SCUBE1: variants seen among roughly 807,000 people sequenced by gnomAD.
SCUBE1 encodes signal peptide, CUB domain and EGF like domain containing 1.
Under a neutral mutation model 124.4 loss-of-function variants are expected in SCUBE1, and 59 were observed. That is an observed-to-expected ratio of 0.47 (90% CI 0.38 to 0.59). The LOEUF (loss-of-function observed/expected upper bound fraction) is 0.59, where lower values mean the gene tolerates loss of function less well. Among genes scored for constraint, SCUBE1 ranks in the 20% least tolerant of loss-of-function variants. The pLI is 0.00. For synonymous variants in SCUBE1, 545 were observed against 550.9 expected, an observed-to-expected ratio of 0.99 and a Z score of 0.15; for missense variants, 1,150 against 1,371.2, an observed-to-expected ratio of 0.84 and a Z score of 2.55.
intron 3 of SCUBE1, among the ~76,000 whole-genome samples, chr22:43,315,225 C>T (rs868467757): frequency 4.4e-4 from 67 of 152,156 alleles, no homozygotes; most frequent in African/African-American, 1.6e-3. Flanking sequence ...TGCACAATCT[C>T]CTTTCAGATT....
At chr22:43,286,895 A>G (rs1005057657) in intron 4 of SCUBE1, among the ~76,000 whole-genome samples, 1 of 152,170 alleles carries the variant, frequency 6.6e-6, no homozygotes, top group African/African-American at 2.4e-5. Flanking sequence ...AGAATTCTAC[A>G]TTGAGAGAAA....
intron 19 of SCUBE1, among the ~76,000 whole-genome samples, chr22:43,208,537 G>T (rs1263934950): frequency 6.6e-6 from 1 of 152,102 alleles, no homozygotes; most frequent in East Asian, 1.9e-4. Flanking sequence ...CTCTGTCAGT[G>T]GGTCTCCATC....
intron 4 of SCUBE1, among the ~76,000 whole-genome samples, chr22:43,269,491 T>C (rs1268335487): frequency 6.6e-6 from 1 of 152,184 alleles, no homozygotes; most frequent in Non-Finnish European, 1.5e-5. Flanking sequence ...AGCTGGAATG[T>C]GTGCCTCCTG....
rs1920969782 is a variant in SCUBE1 at position 43,199,334 on chromosome 22, AG to A, written c.*4662del. The stretch of plus-strand genomic sequence containing the variant: ...CCTGCCGTGGACAAGCCCAGGGGAC[AG>A]GCTTCACTGAGACGCTGCCTGCGGA... On this transcript the variant is annotated 3_prime_UTR_variant, in exon 22 of 22. Coordinates refer to ENST00000360835, the MANE Select transcript of SCUBE1 (RefSeq NM_173050.5). The A allele has an allele frequency of 6.4e-6, 1 of 155,364 alleles. No homozygotes were observed. The highest frequency in any genetic ancestry group is 2.4e-5 in the African/African-American group (1 of 40,968). 9.6% of individuals were successfully genotyped at this position (155,364 alleles called of 1,614,324 possible).
At chr22:43,219,510 C>G (rs562315625) in intron 14 of SCUBE1, among the ~76,000 whole-genome samples, 12 of 149,878 alleles carry the variant, frequency 8.0e-5, no homozygotes, top group Non-Finnish European at 1.3e-4. Flanking sequence ...GAGTCTCACT[C>G]GTCGCCAGGC....
intron 1 of SCUBE1, among the ~76,000 whole-genome samples, chr22:43,341,276 G>C (rs917549623): frequency 6.6e-6 from 1 of 152,210 alleles, no homozygotes; most frequent in African/African-American, 2.4e-5. Context: ...GGGCCAGCAG[G>C]AACATCCATG....
At position 43,207,664 on chromosome 22, in the gene SCUBE1, C is replaced by T. The variant is rs371942757; in HGVS notation, c.2735-51G>A. 5.9e-4 allele frequency: 827 copies of T among 1,408,506 alleles called. 12 individuals carry two copies. In the South Asian group the frequency reaches 9.1e-3, roughly 15 times the overall value. 87.3% of individuals were successfully genotyped at this position (1,408,506 alleles called of 1,614,324 possible). A position where few individuals can be genotyped will look rare whatever the true frequency, so the allele number is the denominator to read the frequency against. On this transcript the variant is annotated intron_variant, in intron 20 of 21. Coordinates refer to ENST00000360835, the MANE Select transcript of SCUBE1 (RefSeq NM_173050.5). ...AGGAAGGCGAGGGGCTTGAGGCCCACGTGCTCCCCTTTCACCTCCAGCCTC... is the reference window on the plus strand; with the variant it reads ...AGGAAGGCGAGGGGCTTGAGGCCCATGTGCTCCCCTTTCACCTCCAGCCTC...
chr22:43,298,348 T>C (rs2146759875), intron 3 of SCUBE1, among the ~76,000 whole-genome samples: 1 of 152,324 alleles, frequency 6.6e-6, no homozygotes, highest in South Asian at 2.1e-4. Flanking sequence ...GGGCTCCTGA[T>C]TCCCCAGCAG....
chr22:43,289,152 G>A (rs570289286), intron 4 of SCUBE1, among the ~76,000 whole-genome samples: 25 of 152,344 alleles, frequency 1.6e-4, no homozygotes, highest in African/African-American at 6.0e-4. Flanking sequence ...ACCCTGGCCT[G>A]GGACTTTACA....
At chr22:43,280,555 C>G (rs561929095) in intron 4 of SCUBE1, among the ~76,000 whole-genome samples, 1 of 149,318 alleles carries the variant, frequency 6.7e-6, no homozygotes, top group South Asian at 2.2e-4. Flanking sequence ...GTCCCTTCCC[C>G]TCACCCATCC....
intron 4 of SCUBE1, among the ~76,000 whole-genome samples, chr22:43,281,514 AGCCACCCTCCT>A (rs1924881347): frequency 3.9e-5 from 2 of 51,416 alleles, no homozygotes; most frequent in Non-Finnish European, 3.4e-5. Context: ...CCTCCTCCTC[AGCCACCCTCCT>A]GTCACCTCCC....
At chr22:43,321,076 C>T (rs903407976) in intron 2 of SCUBE1, among the ~76,000 whole-genome samples, 2 of 152,156 alleles carry the variant, frequency 1.3e-5, no homozygotes, top group African/African-American at 4.8e-5. Flanking sequence ...AGAGGAGGGC[C>T]GGAAGTGTCC....
intron 3 of SCUBE1, among the ~76,000 whole-genome samples, chr22:43,297,990 G>A (rs564751444): frequency 6.6e-6 from 1 of 152,306 alleles, no homozygotes; most frequent in African/African-American, 2.4e-5. Context: ...CTTAGGAAGC[G>A]AACTCCACCT....
intron 9 of SCUBE1, among the ~76,000 whole-genome samples, chr22:43,228,337 C>T (rs1922409331): frequency 6.6e-6 from 1 of 152,184 alleles, no homozygotes; most frequent in Non-Finnish European, 1.5e-5. Flanking sequence ...CCTGCCCCGG[C>T]TCCAGCAGTG....
In SCUBE1 at chr22:43,245,575, C is replaced by T. The variant is rs111826309; in HGVS notation, c.728-6621G>A. 3.7e-4 allele frequency among the ~76,000 whole-genome samples: 56 copies of T among 152,230 alleles called. 1 individual carries two copies. Among genetic ancestry groups the T allele is most frequent in the African/African-American group, 1.3e-3 (53 of 41,542 alleles). ...CCCCGGCAGGCTCCTCCAGAGCCAG[C>T]GCTGCTCGTGTCTAAGGCTGCGGGG... is the stretch of plus-strand genomic sequence containing the variant. On this transcript the variant is annotated intron_variant, in intron 6 of 21. Coordinates refer to ENST00000360835, the MANE Select transcript of SCUBE1 (RefSeq NM_173050.5).
chr22:43,258,168 G>A lies in SCUBE1; in HGVS notation c.727+51C>T, dbSNP rs558565725. The A allele has an allele frequency of 4.0e-6, 5 of 1,242,524 alleles. No homozygotes were observed. In the South Asian group the frequency reaches 4.8e-5, roughly 12 times the overall value. The allele number at this position is 1,242,524 out of a possible 1,614,324, so 77.0% of individuals were successfully genotyped here. Reference sequence around the variant, plus strand: ...TGGCCCTGCTGGTGCACGCATGGGGGGTCGGGGGCGGGGGGCGCAAGGGTG... The same window carrying A: ...TGGCCCTGCTGGTGCACGCATGGGGAGTCGGGGGCGGGGGGCGCAAGGGTG... On this transcript the variant is annotated intron_variant, in intron 6 of 21. Coordinates refer to ENST00000360835, the MANE Select transcript of SCUBE1 (RefSeq NM_173050.5). The surrounding 1 kb of genome is among the most constrained non-coding windows in gnomAD (Gnocchi z 5.0).
chr22:43,251,074 T>C lies in SCUBE1; in HGVS notation c.727+7145A>G, dbSNP rs528604942. Among the ~76,000 whole-genome samples, 20 of 152,262 alleles carry C rather than the reference T, an allele frequency of 1.3e-4. No individual in the cohort carries two copies. In the East Asian group the frequency reaches 3.9e-3, roughly 30 times the overall value. On this transcript the variant is annotated intron_variant, in intron 6 of 21. Transcript: ENST00000360835. ...CTGTGGGGGAGACTCACTGGAAAGC[T>C]GCCTGGAAAGTCCCTTGCAAACTCT... is the stretch of plus-strand genomic sequence containing the variant.
intron 4 of SCUBE1, among the ~76,000 whole-genome samples, chr22:43,289,177 G>A (rs1925261184): frequency 6.6e-6 from 1 of 152,244 alleles, no homozygotes; most frequent in Non-Finnish European, 1.5e-5. Flanking sequence ...GCTCAGAGCA[G>A]TCACTCTGTG....
intron 5 of SCUBE1, among the ~76,000 whole-genome samples, chr22:43,261,205 C>A (rs1923859184): frequency 2.6e-5 from 4 of 152,252 alleles, no homozygotes; most frequent in Admixed American, 2.0e-4. Context: ...TGGCCGGGGG[C>A]AGAAGACTTC....
Sources: allele counts gnomAD v4.1 joint callset (sites outside exome capture counted in the v4.1 genomes callset), GRCh38; gene constraint gnomAD v4.1.1; non-coding constraint Gnocchi (gnomAD v3.1); transcripts MANE v1.5; gene names NCBI Gene and HGNC (gene_info 2026-07-23, HGNC 2026-07-21).